Variants in MACF1 observed in about 807,000 individuals in gnomAD.
MACF1 encodes the protein microtubule actin crosslinking factor 1.
A neutral mutation model predicts 854.8 loss-of-function variants in MACF1; 193 were observed. That is an observed-to-expected ratio of 0.23 (90% CI 0.20 to 0.25). MACF1 has a LOEUF of 0.25. MACF1 is among the 10% of genes least tolerant of loss of function. The pLI, the probability that MACF1 is intolerant of heterozygous loss-of-function variation, is 1.00. For synonymous variants in MACF1, 3,185 were observed against 3,226.7 expected (o/e 0.99, Z 0.44); for missense variants, 7,722 against 8,929.1 (o/e 0.86, Z 5.45).
intron 2 of MACF1, among the ~76,000 whole-genome samples, chr1:39,175,348 A>C (rs190969081): frequency 1.3e-5 from 2 of 152,378 alleles, no homozygotes; most frequent in Non-Finnish European, 2.9e-5. Flanking sequence ...GAGACATTTT[A>C]TATGAAAAAA....
chr1:39,441,403 C>T, intron 74 of MACF1, 78 bp downstream of exon 74: 1 of 1,165,634 alleles, frequency 8.6e-7, no homozygotes, highest in South Asian at 1.3e-5. Flanking sequence ...GAATTAAGCA[C>T]AAAAGTGGAT....
At chr1:39,349,418 T>C (rs1647128848) in intron 41 of MACF1, 60 bp from the exon 42 acceptor site, 23 of 1,529,304 alleles carry the variant, frequency 1.5e-5, no homozygotes, top group Non-Finnish European at 2.0e-5. Context: ...TCAGGGAGTT[T>C]CTTGTATTTG....
intron 54 of MACF1, among the ~76,000 whole-genome samples, chr1:39,379,705 G>A (rs887202987): frequency 4.6e-5 from 7 of 152,210 alleles, no homozygotes; most frequent in South Asian, 2.1e-4. Flanking sequence ...CCCCAGAATC[G>A]TTAGCTCATT....
intron 2 of MACF1, among the ~76,000 whole-genome samples, chr1:39,232,746 G>GTTTTTTT (rs10712180): frequency 2.2e-3 from 276 of 128,322 alleles, no homozygotes; most frequent in Middle Eastern, 4.2e-3. Flanking sequence ...TACTCTCTTT[G>GTTTTTTT]TTTTTTTTTT....
intron 36 of MACF1, 90 bp downstream of exon 36, chr1:39,327,443 C>A: frequency 7.5e-7 from 1 of 1,335,822 alleles, no homozygotes; most frequent in South Asian, 1.7e-5. Context: ...TGATCACTAG[C>A]TTTCCATGAC....
At chr1:39,370,529 C>T (rs1649133233) in intron 51 of MACF1, among the ~76,000 whole-genome samples, 1 of 152,182 alleles carries the variant, frequency 6.6e-6, no homozygotes, top group African/African-American at 2.4e-5. Flanking sequence ...TGGGACCAAC[C>T]TTCCTCCCAT....
chr1:39,465,050 T>A (rs1177659870), intron 94 of MACF1, 45 bp from the exon 95 acceptor site: 6 of 1,580,956 alleles, frequency 3.8e-6, no homozygotes, highest in Non-Finnish European at 5.2e-6. Flanking sequence ...GTTCTCTTTT[T>A]TTTTCCCCTC....
At chr1:39,305,317 A>G (rs1234059790) in intron 23 of MACF1, among the ~76,000 whole-genome samples, 1 of 151,696 alleles carries the variant, frequency 6.6e-6, no homozygotes, top group Non-Finnish European at 1.5e-5. Context: ...TACATATTTT[A>G]GAAAGTTGGG....
chr1:39,318,876 G>T (rs1445600015), intron 30 of MACF1, among the ~76,000 whole-genome samples: 2 of 149,076 alleles, frequency 1.3e-5, no homozygotes, highest in South Asian at 2.1e-4. Context: ...TCTTTATTTT[G>T]TTTTTTTTTA....
chr1:39,194,089 T>C (rs971478511), intron 2 of MACF1, among the ~76,000 whole-genome samples: 3 of 152,018 alleles, frequency 2.0e-5, no homozygotes, highest in Non-Finnish European at 4.4e-5. Context: ...CACCTCGTCC[T>C]CCCAAAGTGC....
intron 2 of MACF1, among the ~76,000 whole-genome samples, chr1:39,246,533 A>ATT (rs1644982385): frequency 6.6e-6 from 1 of 152,052 alleles, no homozygotes; most frequent in African/African-American, 2.4e-5. Context: ...TTTGAGACAA[A>ATT]GTTTCACTCC....
At chr1:39,256,498 G>A (rs1645098153) in intron 5 of MACF1, among the ~76,000 whole-genome samples, 1 of 152,178 alleles carries the variant, frequency 6.6e-6, no homozygotes. Flanking sequence ...GGGTCCTCTG[G>A]AGACACACAA....
At chr1:39,239,345 T>C (rs1194158630) in intron 2 of MACF1, among the ~76,000 whole-genome samples, 3 of 152,176 alleles carry the variant, frequency 2.0e-5, no homozygotes, top group Non-Finnish European at 4.4e-5. Context: ...TCCCAACTTC[T>C]AGATTTAGTT....
intron 2 of MACF1, among the ~76,000 whole-genome samples, chr1:39,249,366 A>G (rs1473742758): frequency 6.6e-6 from 1 of 152,200 alleles, no homozygotes; most frequent in Non-Finnish European, 1.5e-5. Context: ...GTAAAATAGA[A>G]ATAATAATAC....
At chr1:39,269,065 T>TA in intron 6 of MACF1, 1 of 1,289,672 alleles carries the variant, frequency 7.8e-7, no homozygotes, top group Non-Finnish European at 1.0e-6. Flanking sequence ...CACCTTTTGT[T>TA]AGAGAATGAG....
intron 6 of MACF1, among the ~76,000 whole-genome samples, chr1:39,276,897 A>G (rs567716048): frequency 5.3e-5 from 8 of 152,186 alleles, no homozygotes; most frequent in Non-Finnish European, 1.0e-4. Flanking sequence ...GAATAAATCT[A>G]TGTCACCATC....
At position 39,460,890 on chromosome 1, in the gene MACF1, G is replaced by A; in HGVS notation, c.21523+96G>A. 1 of 1,433,840 alleles carries A rather than the reference G, an allele frequency of 7.0e-7. No homozygotes were observed. The highest frequency in any genetic ancestry group is 2.3e-5 in the East Asian group (1 of 43,736). The allele number at this position is 1,433,840 out of a possible 1,614,324, so 88.8% of individuals were successfully genotyped here. A position where few individuals can be genotyped will look rare whatever the true frequency, so the allele number is the denominator to read the frequency against. ...CTAGCTAAACAGTCTTTCTGAAGCT[G>A]GCCAGGAGCTTGGCTCACACCTGTA... On this transcript the variant is annotated intron_variant, in intron 92 of 100. Transcript: ENST00000564288. The surrounding 1 kb of genome is among the most constrained non-coding windows in gnomAD (Gnocchi z 4.1).
At chr1:39,349,389 A>T in intron 41 of MACF1, 89 bp from the exon 42 acceptor site, 1 of 1,371,078 alleles carries the variant, frequency 7.3e-7, no homozygotes, top group South Asian at 1.4e-5. Context: ...CTTGAGATAT[A>T]ACCTTCCTGT....
intron 6 of MACF1, among the ~76,000 whole-genome samples, chr1:39,276,077 A>C (rs1645431569): frequency 6.6e-6 from 1 of 152,028 alleles, no homozygotes; most frequent in South Asian, 2.1e-4. Context: ...GTACCACCAC[A>C]CCCAGCTAAT....
Sources: allele counts gnomAD v4.1 joint callset (sites outside exome capture counted in the v4.1 genomes callset), GRCh38; gene constraint gnomAD v4.1.1; non-coding constraint Gnocchi (gnomAD v3.1); transcripts MANE v1.5; gene names NCBI Gene and HGNC (gene_info 2026-07-23, HGNC 2026-07-21).